KCNN2: variants seen among roughly 807,000 people sequenced by gnomAD.
KCNN2 encodes the protein small conductance calcium-activated potassium channel protein 2.
In KCNN2, 24 loss-of-function variants were observed where a neutral mutation model predicts 55.5. That is an observed-to-expected ratio of 0.43 (90% CI 0.31 to 0.61). The LOEUF (loss-of-function observed/expected upper bound fraction) is 0.61. Ranked by LOEUF, KCNN2 falls within the 20% of genes least tolerant of loss-of-function variation. The pLI is 0.08. For missense variants in KCNN2, 754 were observed against 853.6 expected (o/e 0.88, Z 1.45); for synonymous variants, 431 against 336.1 (o/e 1.28, Z -3.09).
At chr5:114,177,763 G>A (rs1178749675) in intron 1 of KCNN2, among the ~76,000 whole-genome samples, 2 of 151,896 alleles carry the variant, frequency 1.3e-5, no homozygotes, top group Admixed American at 1.3e-4. Flanking sequence ...AATTAATCAA[G>A]GCATTGCAAT....
At chr5:114,061,032 C>G (rs748817320) in intron 1 of KCNN2, among the ~76,000 whole-genome samples, 1 of 152,194 alleles carries the variant, frequency 6.6e-6, no homozygotes, top group Non-Finnish European at 1.5e-5. Flanking sequence ...ACATAGTATT[C>G]CATTGCACAT....
chr5:114,220,992 A>G (rs1754126419), intron 1 of KCNN2, among the ~76,000 whole-genome samples: 1 of 152,262 alleles, frequency 6.6e-6, no homozygotes. Flanking sequence ...GAAGGAAGAC[A>G]GTTCTCATAC....
chr5:114,281,571 T>A (rs1755623067), intron 2 of KCNN2, among the ~76,000 whole-genome samples: 1 of 146,806 alleles, frequency 6.8e-6, no homozygotes, highest in African/African-American at 2.5e-5. Context: ...CATTTTCTCC[T>A]TTCTCTCTTG....
chr5:114,129,465 A>G (rs915437639), intron 1 of KCNN2, among the ~76,000 whole-genome samples: 1 of 152,222 alleles, frequency 6.6e-6, no homozygotes, highest in African/African-American at 2.4e-5. Flanking sequence ...AAAGGGAAAG[A>G]GAGTTAGGAA....
chr5:114,277,961 C>T (rs1755527121), intron 2 of KCNN2, among the ~76,000 whole-genome samples: 1 of 151,798 alleles, frequency 6.6e-6, no homozygotes, highest in South Asian at 2.1e-4. Context: ...CTGGTTTCTT[C>T]CCATCTTTGT....
At chr5:114,271,548 A>G (rs1755336121) in intron 2 of KCNN2, among the ~76,000 whole-genome samples, 1 of 152,210 alleles carries the variant, frequency 6.6e-6, no homozygotes, top group Non-Finnish European at 1.5e-5. Context: ...ATAAATAATG[A>G]GAGTGATTTC....
intron 1 of KCNN2, among the ~76,000 whole-genome samples, chr5:114,205,083 T>C (rs1247873677): frequency 8.4e-5 from 1 of 11,940 alleles, no homozygotes; most frequent in East Asian, 0.012. Flanking sequence ...TTCTTTGTCT[T>C]TTTTTTTTTC....
chr5:114,396,472 A>G (rs1293672640), intron 2 of KCNN2, among the ~76,000 whole-genome samples: 2 of 152,064 alleles, frequency 1.3e-5, no homozygotes, highest in East Asian at 3.9e-4. Flanking sequence ...GGTTTGTTAT[A>G]CAGATAAATT....
At chr5:114,348,921 A>G (rs1465948500) in intron 2 of KCNN2, among the ~76,000 whole-genome samples, 1 of 152,178 alleles carries the variant, frequency 6.6e-6, no homozygotes, top group East Asian at 1.9e-4. Flanking sequence ...TACATACACC[A>G]TACAATCTAC....
chr5:114,145,797 A>G (rs1405629229), intron 1 of KCNN2, among the ~76,000 whole-genome samples: 2 of 152,190 alleles, frequency 1.3e-5, no homozygotes, highest in Non-Finnish European at 2.9e-5. Context: ...GACACAGGGT[A>G]GAAGGATCAG....
chr5:114,108,326 T>G (rs1449845561), intron 1 of KCNN2, among the ~76,000 whole-genome samples: 3 of 152,098 alleles, frequency 2.0e-5, no homozygotes, highest in African/African-American at 7.2e-5. Flanking sequence ...CATTGTTAAT[T>G]TTATCTAAAG....
intron 1 of KCNN2, among the ~76,000 whole-genome samples, chr5:114,057,562 A>G (rs1464658943): frequency 6.6e-6 from 1 of 152,244 alleles, no homozygotes; most frequent in East Asian, 1.9e-4. Flanking sequence ...GGACAAGGCA[A>G]CCAAGATCCT....
intron 1 of KCNN2, among the ~76,000 whole-genome samples, chr5:114,093,110 TAA>T (rs1561472207): frequency 6.6e-6 from 1 of 152,128 alleles, no homozygotes; most frequent in Non-Finnish European, 1.5e-5. Flanking sequence ...CTTTTAAACA[TAA>T]GTTCCAATTT....
intron 1 of KCNN2, among the ~76,000 whole-genome samples, chr5:114,162,804 G>T (rs1283544765): frequency 6.6e-6 from 1 of 152,170 alleles, no homozygotes; most frequent in Non-Finnish European, 1.5e-5. Flanking sequence ...TCCGAGCCAG[G>T]TGTGGGATAT....
intron 1 of KCNN2, among the ~76,000 whole-genome samples, chr5:114,154,357 G>C (rs941813979): frequency 9.9e-5 from 15 of 152,062 alleles, no homozygotes; most frequent in African/African-American, 3.6e-4. Context: ...CCTCTCTTTT[G>C]ATAATTTTAT....
At chr5:114,272,255 C>A (rs1010215212) in intron 2 of KCNN2, among the ~76,000 whole-genome samples, 4 of 151,950 alleles carry the variant, frequency 2.6e-5, no homozygotes, top group African/African-American at 9.7e-5. Flanking sequence ...ATATCATATA[C>A]ACACATATAT....
intron 1 of KCNN2, among the ~76,000 whole-genome samples, chr5:114,139,467 C>T (rs73779706): frequency 0.019 from 2,722 of 146,364 alleles, 95 homozygotes; most frequent in African/African-American, 0.063. Context: ...CCACCCCCCC[C>T]ACACACACAC....
At chr5:114,288,172 C>G (rs923987390) in intron 2 of KCNN2, among the ~76,000 whole-genome samples, 1 of 152,172 alleles carries the variant, frequency 6.6e-6, no homozygotes, top group Non-Finnish European at 1.5e-5. Flanking sequence ...GAGCATATAT[C>G]AGTACTTCAT....
At chr5:114,134,970 G>A (rs1752145001) in intron 1 of KCNN2, among the ~76,000 whole-genome samples, 1 of 152,290 alleles carries the variant, frequency 6.6e-6, no homozygotes, top group South Asian at 2.1e-4. Flanking sequence ...GCATACATAT[G>A]TAATACATAC....
Sources: gnomAD v4.1 joint callset for allele counts (sites outside exome capture counted in the v4.1 genomes callset) on GRCh38, gnomAD v4.1.1 for gene constraint, MANE v1.5 for transcripts, NCBI Gene and HGNC (gene_info 2026-07-23, HGNC 2026-07-21) for gene names.